Variants in PDE8B observed in about 807,000 individuals in gnomAD.
PDE8B encodes phosphodiesterase 8B.
In PDE8B, 26 loss-of-function variants were observed where a neutral mutation model predicts 101.3. The observed-to-expected ratio is 0.26, with a 90% confidence interval of 0.19 to 0.36. The LOEUF (loss-of-function observed/expected upper bound fraction) is 0.36. PDE8B is among the 10% of genes least tolerant of loss of function. The pLI is 1.00. For missense variants in PDE8B, 810 were observed against 1,163.1 expected (o/e 0.70, Z 4.42); for synonymous variants, 424 against 429.3 (o/e 0.99, Z 0.15).
At chr5:77,302,000 C>T in intron 1 of PDE8B, among the ~76,000 whole-genome samples, 1 of 152,074 alleles carries the variant, frequency 6.6e-6, no homozygotes, top group East Asian at 1.9e-4. Flanking sequence ...ATATTCTAGA[C>T]CATTTTTTTC....
chr5:77,097,685 T>TTATATATATATA, the PDE8B span, among the ~76,000 whole-genome samples: 197 of 18,054 alleles, frequency 0.011, 10 homozygotes, highest in Non-Finnish European at 0.018. Flanking sequence ...TGTGGAGATT[T>TTATATATATATA]TATATATCTA....
intron 1 of PDE8B, among the ~76,000 whole-genome samples, chr5:77,264,109 A>G (rs1761191627): frequency 6.6e-6 from 1 of 152,352 alleles, no homozygotes; most frequent in South Asian, 2.1e-4. Flanking sequence ...TGTAGCAGGT[A>G]TCAGTAATTC....
At chr5:77,383,291 T>C (rs1311592752) in intron 10 of PDE8B, among the ~76,000 whole-genome samples, 1 of 152,224 alleles carries the variant, frequency 6.6e-6, no homozygotes, top group Non-Finnish European at 1.5e-5. Context: ...GGTTGTTTGT[T>C]TTTTTCTTGT....
At chr5:77,251,511 G>T (rs1306032083) in intron 1 of PDE8B, among the ~76,000 whole-genome samples, 1 of 152,170 alleles carries the variant, frequency 6.6e-6, no homozygotes, top group African/African-American at 2.4e-5. Context: ...CATTTTGCCT[G>T]CCCAATTGCT....
At chr5:77,213,970 T>C (rs1362543550) in intron 1 of PDE8B, 3 of 152,450 alleles carry the variant, frequency 2.0e-5, no homozygotes, top group Non-Finnish European at 4.4e-5. Context: ...TACAATGATA[T>C]CACATGGGTT....
chr5:77,142,256 T>G, the PDE8B span: 1 of 152,236 alleles, frequency 6.6e-6, no homozygotes. Context: ...GAGCTGTTAA[T>G]AAATGCCAAT....
the PDE8B span, chr5:77,141,568 G>C: frequency 6.6e-6 from 1 of 152,134 alleles, no homozygotes; most frequent in African/African-American, 2.4e-5. Context: ...GCACCACTTT[G>C]TTGTTCTGGA....
chr5:77,370,893 A>G (rs1285343365), intron 10 of PDE8B, among the ~76,000 whole-genome samples: 1 of 152,200 alleles, frequency 6.6e-6, no homozygotes, highest in African/African-American at 2.4e-5. Flanking sequence ...CTGATGACTA[A>G]TAATGTTGAA....
chr5:77,260,183 GAAAA>G (rs201206456), intron 1 of PDE8B, among the ~76,000 whole-genome samples: 59 of 135,194 alleles, frequency 4.4e-4, no homozygotes, highest in African/African-American at 1.6e-3. Context: ...AGAAAAAAAA[GAAAA>G]AAAAAAGAAA....
intron 1 of PDE8B, among the ~76,000 whole-genome samples, chr5:77,242,354 C>T (rs1404557257): frequency 6.6e-6 from 1 of 152,162 alleles, no homozygotes; most frequent in Admixed American, 6.5e-5. Flanking sequence ...GAGAAGTTAA[C>T]AGTTATTAGC....
At chr5:77,160,747 C>A in the PDE8B span, among the ~76,000 whole-genome samples, 1 of 152,030 alleles carries the variant, frequency 6.6e-6, no homozygotes, top group African/African-American at 2.4e-5. Context: ...ACCTCCTAGG[C>A]TCAAGTGATC....
In PDE8B at chr5:77,294,866, T is replaced by C. The variant is rs1397926464; in HGVS notation, c.340-17128T>C. On this transcript the variant is annotated intron_variant, in intron 1 of 21. Coordinates refer to ENST00000264917, the MANE Select transcript of PDE8B (RefSeq NM_003719.5). ...GATTCATTATATAATATATATATGA[T>C]ATATATAATATATATTATATCTATC... 6.7e-5 allele frequency among the ~76,000 whole-genome samples: 10 copies of C among 148,168 alleles called. No individual in the cohort carries two copies. The East Asian group carries it at 1.6e-3, about 23-fold the overall frequency.
chr5:77,189,365 G>A, the PDE8B span, among the ~76,000 whole-genome samples: 1 of 152,152 alleles, frequency 6.6e-6, no homozygotes, highest in African/African-American at 2.4e-5. Context: ...GGGAAGAAGA[G>A]GGAGAGGAGA....
the PDE8B span, among the ~76,000 whole-genome samples, chr5:77,156,243 G>A: frequency 2.6e-5 from 4 of 152,176 alleles, no homozygotes; most frequent in Non-Finnish European, 4.4e-5. Context: ...CTATGGGAAG[G>A]TAGAAGGCTG....
chr5:77,174,657 C>G, the PDE8B span, among the ~76,000 whole-genome samples: 1 of 152,170 alleles, frequency 6.6e-6, no homozygotes, highest in East Asian at 1.9e-4. Flanking sequence ...TTCCTCCTAT[C>G]GCATGGGCCT....
At chr5:77,240,674 T>C (rs941046104) in intron 1 of PDE8B, among the ~76,000 whole-genome samples, 2 of 152,236 alleles carry the variant, frequency 1.3e-5, no homozygotes, top group African/African-American at 4.8e-5. Context: ...CCCACACTAA[T>C]TATTCAAACA....
At chr5:77,263,108 A>G (rs1760971448) in intron 1 of PDE8B, among the ~76,000 whole-genome samples, 1 of 152,256 alleles carries the variant, frequency 6.6e-6, no homozygotes, top group Non-Finnish European at 1.5e-5. Flanking sequence ...TTTCACCAAA[A>G]TAGAAGGAAG....
intron 10 of PDE8B, among the ~76,000 whole-genome samples, chr5:77,371,680 T>C (rs1785105790): frequency 6.6e-6 from 1 of 152,234 alleles, no homozygotes; most frequent in African/African-American, 2.4e-5. Context: ...TTGGAGAGAA[T>C]TGATATTTGA....
At chr5:77,345,382 A>G (rs1779957588) in intron 7 of PDE8B, among the ~76,000 whole-genome samples, 1 of 152,128 alleles carries the variant, frequency 6.6e-6, no homozygotes, top group East Asian at 1.9e-4. Context: ...CTGGTCTCAA[A>G]CTCCTGACCT....
Sources: allele counts gnomAD v4.1 joint callset (sites outside exome capture counted in the v4.1 genomes callset), GRCh38; gene constraint gnomAD v4.1.1; transcripts MANE v1.5; gene names NCBI Gene and HGNC (gene_info 2026-07-23, HGNC 2026-07-21).